The following PDE1C variants were observed in gnomAD, a reference collection of about 807,000 sequenced individuals.
The protein encoded by PDE1C is phosphodiesterase 1C, also known as dual specificity calcium/calmodulin-dependent 3',5'-cyclic nucleotide phosphodiesterase 1C.
In PDE1C, 62 loss-of-function variants were observed where a neutral mutation model predicts 93.1. The ratio of observed to expected loss-of-function variants is 0.67; its 90% CI spans 0.54 to 0.82. The LOEUF is 0.82. PDE1C is among the 40% of genes least tolerant of loss of function. PDE1C has a pLI of 0.00. For synonymous variants in PDE1C, 325 were observed against 310.1 expected, an observed-to-expected ratio of 1.05 and a Z score of -0.50; for missense variants, 742 against 884.6, an observed-to-expected ratio of 0.84 and a Z score of 2.04.
intron 1 of PDE1C, among the ~76,000 whole-genome samples, chr7:32,307,043 A>G (rs1489719515): frequency 6.6e-6 from 1 of 152,148 alleles, no homozygotes; most frequent in Non-Finnish European, 1.5e-5. Context: ...CTTCCTGGAG[A>G]GGATTCAGAC....
chr7:31,676,429 T>TACAC, the PDE1C span, among the ~76,000 whole-genome samples: 6 of 151,240 alleles, frequency 4.0e-5, no homozygotes, highest in East Asian at 3.9e-4. Context: ...TTTTTAAAAC[T>TACAC]ACACACACAC....
intron 2 of PDE1C, among the ~76,000 whole-genome samples, chr7:32,041,799 T>A (rs529691670): frequency 6.6e-6 from 1 of 152,194 alleles, no homozygotes; most frequent in South Asian, 2.1e-4. Flanking sequence ...TTGTTAAGTC[T>A]TCATTAAACT....
intron 3 of PDE1C, among the ~76,000 whole-genome samples, chr7:32,147,578 C>A (rs2128786955): frequency 6.6e-6 from 1 of 152,216 alleles, no homozygotes; most frequent in African/African-American, 2.4e-5. Context: ...AAAAAGCTCC[C>A]AAAGCCATTC....
intron 2 of PDE1C, among the ~76,000 whole-genome samples, chr7:32,039,165 C>T (rs1791494418): frequency 1.3e-5 from 2 of 152,102 alleles, no homozygotes; most frequent in Admixed American, 1.3e-4. Context: ...CAAACAGGCA[C>T]TGTTTGCATT....
At chr7:31,886,876 A>ATTCGGAATAGATCTT (rs1562972749) in intron 2 of PDE1C, among the ~76,000 whole-genome samples, 302 of 18,474 alleles carry the variant, frequency 0.016, no homozygotes, top group East Asian at 0.021. Context: ...ATTCGGATCT[A>ATTCGGAATAGATCTT]TTCAGGGGCG....
chr7:31,835,199 T>C (rs999361288), intron 11 of PDE1C, among the ~76,000 whole-genome samples: 2 of 152,168 alleles, frequency 1.3e-5, no homozygotes, highest in Non-Finnish European at 2.9e-5. Flanking sequence ...CTTGAGTATG[T>C]CTTTATTTGC....
intron 2 of PDE1C, among the ~76,000 whole-genome samples, chr7:31,965,568 G>C (rs1809790975): frequency 6.6e-6 from 1 of 152,204 alleles, no homozygotes; most frequent in Non-Finnish European, 1.5e-5. Flanking sequence ...CCCCAATCTA[G>C]CAAGGCAGGC....
At chr7:31,703,579 A>C in the PDE1C span, among the ~76,000 whole-genome samples, 1 of 152,232 alleles carries the variant, frequency 6.6e-6, no homozygotes, top group African/African-American at 2.4e-5. Flanking sequence ...TATTAGCTGA[A>C]GTACTTTATT....
At chr7:32,328,079 T>C (rs1480509386) in intron 1 of PDE1C, among the ~76,000 whole-genome samples, 2 of 152,250 alleles carry the variant, frequency 1.3e-5, no homozygotes, top group African/African-American at 4.8e-5. Flanking sequence ...GAGGAATTTC[T>C]GGTTCAAAAG....
Position 32,179,397 on chromosome 7 carries a change from A to G in PDE1C, c.137-9441T>C, listed in dbSNP as rs533968715. On this transcript the variant is annotated intron_variant, in intron 2 of 18. Coordinates refer to the PDE1C transcript ENST00000396193. The stretch of plus-strand genomic sequence containing the variant: ...TGCTTCAGCCTCCTGAGCAGCTGAG[A>G]CTACAGACGTCCGCCACCATGCCCA... Among the ~76,000 whole-genome samples the G allele has an allele frequency of 3.2e-3, 492 of 151,838 alleles. 3 individuals carry two copies. The highest frequency in any genetic ancestry group is 0.011 in the African/African-American group (461 of 41,374).
chr7:32,306,121 A>G (rs1812995001), intron 1 of PDE1C, among the ~76,000 whole-genome samples: 1 of 152,156 alleles, frequency 6.6e-6, no homozygotes, highest in East Asian at 1.9e-4. Context: ...CCACCATGTA[A>G]GACGTGCCTT....
Position 32,366,412 on chromosome 7 carries a change from G to A in PDE1C, c.310+61410C>T, listed in dbSNP as rs189595455. ...AGGAAAAAGAATGAAGAAAGCCTAC[G>A]AGATTTATGGAACACAATTAAGTGA... On this transcript the variant is annotated intron_variant, in intron 1 of 1. Coordinates refer to the PDE1C transcript ENST00000672256. Among the ~76,000 whole-genome samples, 79 of 152,222 alleles carry A rather than the reference G, an allele frequency of 5.2e-4. 2 individuals carry two copies. Among genetic ancestry groups the A allele is most frequent in the East Asian group, 4.4e-3 (23 of 5,180 alleles).
intron 1 of PDE1C, among the ~76,000 whole-genome samples, chr7:32,297,823 C>A (rs1049431197): frequency 6.6e-6 from 1 of 152,100 alleles, no homozygotes; most frequent in Admixed American, 6.5e-5. Context: ...TATGATCCCC[C>A]CTCCCTGCGG....
chr7:32,094,562 A>G (rs1797646049), intron 3 of PDE1C, among the ~76,000 whole-genome samples: 1 of 152,250 alleles, frequency 6.6e-6, no homozygotes, highest in Admixed American at 6.5e-5. Context: ...ACAGATAAGC[A>G]AACAGCCTCA....
At chr7:32,098,184 C>T (rs542342496) in intron 3 of PDE1C, among the ~76,000 whole-genome samples, 19 of 133,222 alleles carry the variant, frequency 1.4e-4, no homozygotes, top group African/African-American at 5.3e-4. Flanking sequence ...GAGCCGAGAT[C>T]GCGCCACTGC....
chr7:31,829,301 A>T (rs1438713502), intron 11 of PDE1C, among the ~76,000 whole-genome samples: 2 of 152,166 alleles, frequency 1.3e-5, no homozygotes, highest in African/African-American at 4.8e-5. Context: ...TCATAGGGTT[A>T]TAAGGATGAA....
chr7:31,959,673 C>G (rs1424642527), intron 2 of PDE1C, among the ~76,000 whole-genome samples: 1 of 152,116 alleles, frequency 6.6e-6, no homozygotes, highest in Non-Finnish European at 1.5e-5. Context: ...AAGAGATTTT[C>G]AAACATAGAC....
chr7:32,148,904 T>C, intron 3 of PDE1C, among the ~76,000 whole-genome samples: 1 of 152,232 alleles, frequency 6.6e-6, no homozygotes, highest in East Asian at 1.9e-4. Flanking sequence ...TTTACCAAGC[T>C]TATTATCTAA....
chr7:32,254,205 G>A (rs188721818), intron 1 of PDE1C, among the ~76,000 whole-genome samples: 3 of 152,166 alleles, frequency 2.0e-5, no homozygotes, highest in Non-Finnish European at 4.4e-5. Flanking sequence ...GAGTAGTTCT[G>A]TCCATATGAC....
Sources: gnomAD v4.1 joint callset for allele counts (sites outside exome capture counted in the v4.1 genomes callset) on GRCh38, gnomAD v4.1.1 for gene constraint, MANE v1.5 for transcripts, NCBI Gene and HGNC (gene_info 2026-07-23, HGNC 2026-07-21) for gene names.